The following KIRREL3 variants were observed in gnomAD, a reference collection of about 807,000 sequenced individuals.
The protein encoded by KIRREL3 is kirre like nephrin family adhesion molecule 3.
KIRREL3 carries 36 observed loss-of-function variants against 89.7 expected under a neutral mutation model. The observed-to-expected ratio is 0.40, with a 90% CI of 0.31 to 0.53. The LOEUF (loss-of-function observed/expected upper bound fraction) is 0.53, where lower values mean the gene tolerates loss of function less well. Among genes scored for constraint, KIRREL3 ranks in the 20% least tolerant of loss-of-function variants. KIRREL3 has a pLI of 0.49. For missense variants in KIRREL3, 864 were observed against 1,056.6 expected (o/e 0.82, Z 2.53); for synonymous variants, 445 against 441.4 (o/e 1.01, Z -0.10).
chr11:126,577,859 C>A (rs1489111598), intron 1 of KIRREL3, among the ~76,000 whole-genome samples: 2 of 151,996 alleles, frequency 1.3e-5, no homozygotes. Flanking sequence ...TGTGAAACTG[C>A]CCAGTTCTAG....
intron 1 of KIRREL3, among the ~76,000 whole-genome samples, chr11:126,828,820 T>C (rs1669817484): frequency 6.6e-6 from 1 of 152,198 alleles, no homozygotes; most frequent in Non-Finnish European, 1.5e-5. Flanking sequence ...GTTTTTAAGA[T>C]CAGAGCTTAG....
chr11:126,521,182 A>T lies in KIRREL3; in HGVS notation c.433+133T>A. 1.1e-6 allele frequency: 1 copy of T among 930,342 alleles called. No homozygotes were observed. The allele number at this position is 930,342 out of a possible 1,614,324, so 57.6% of individuals were successfully genotyped here. A position where few individuals can be genotyped will look rare whatever the true frequency, so the allele number is the denominator to read the frequency against. ...AGGTGGGCATGGATATTGTGGAAGC[A>T]GCAGTGTCTGGAGCCCTGTGGGATG... On this transcript the variant is annotated intron_variant, in intron 4 of 16. Coordinates refer to ENST00000525144, the MANE Select transcript of KIRREL3 (RefSeq NM_032531.4). The surrounding 1 kb of genome is among the most constrained non-coding windows in gnomAD (Gnocchi z 4.1).
At position 126,657,258 on chromosome 11, in the gene KIRREL3, A is replaced by C. The variant is rs1366783865; in HGVS notation, c.56-94346T>G. 8.9e-4 allele frequency among the ~76,000 whole-genome samples: 135 copies of C among 151,566 alleles called. 1 individual carries two copies. The highest frequency in any genetic ancestry group is 1.5e-3 in the Non-Finnish European group (103 of 67,790). ...ATTCCAAATAAATAATTAAATAAATAAATAAATAAATAAATAAATAAATCT... is the reference window on the plus strand; with the variant it reads ...ATTCCAAATAAATAATTAAATAAATCAATAAATAAATAAATAAATAAATCT... On this transcript the variant is annotated intron_variant, in intron 1 of 16. Coordinates refer to ENST00000525144, the MANE Select transcript of KIRREL3 (RefSeq NM_032531.4).
At chr11:126,731,950 G>T (rs1948632704) in intron 1 of KIRREL3, among the ~76,000 whole-genome samples, 1 of 152,262 alleles carries the variant, frequency 6.6e-6, no homozygotes, top group South Asian at 2.1e-4. Flanking sequence ...AGCAGCTGAG[G>T]ACTGTGCCCC....
intron 1 of KIRREL3, among the ~76,000 whole-genome samples, chr11:126,928,966 T>C (rs1257759678): frequency 6.6e-6 from 1 of 151,790 alleles, no homozygotes; most frequent in Non-Finnish European, 1.5e-5. Flanking sequence ...ATGAAATAAA[T>C]CAACATGGAC....
chr11:126,785,529 A>G (rs1950460893), intron 1 of KIRREL3, among the ~76,000 whole-genome samples: 1 of 152,120 alleles, frequency 6.6e-6, no homozygotes, highest in African/African-American at 2.4e-5. Context: ...CGTCTGATGC[A>G]ATGTAAGGGT....
rs1591511006 is a variant in KIRREL3, at chr11:126,424,879, T to C, written c.2038A>G (p.Ser680Gly). 1.2e-6 allele frequency: 2 copies of C among 1,612,748 alleles called. No homozygotes were observed. The highest frequency in any genetic ancestry group is 1.7e-6 in the Non-Finnish European group (2 of 1,178,958). The part of the protein sequence containing the change: ...PTGMSFTNIY[S>G]TLSGQGRLYD... ...AGGCGGCCCTGGCCGCTCAGGGTGCTGTAGATGTTGGTGAAGGACATGCCT... is the reference window on the plus strand; with the variant it reads ...AGGCGGCCCTGGCCGCTCAGGGTGCCGTAGATGTTGGTGAAGGACATGCCT... Residue 680 changes from serine (S) to glycine (G), a missense_variant, in exon 17 of 17, where the codon AGC becomes GGC. Ser to Gly is a moderately conservative substitution (Grantham distance 56). Transcript: ENST00000525144.
At chr11:126,962,688 G>A (rs1949129099) in intron 1 of KIRREL3, among the ~76,000 whole-genome samples, 1 of 152,144 alleles carries the variant, frequency 6.6e-6, no homozygotes, top group South Asian at 2.1e-4. Flanking sequence ...TCTATTGTGG[G>A]TAAAATGCTG....
Position 126,623,233 on chromosome 11 carries a change from C to A in KIRREL3, c.56-60321G>T, listed in dbSNP as rs1405310500. 2.0e-5 allele frequency among the ~76,000 whole-genome samples: 3 copies of A among 152,172 alleles called. No individual in the cohort carries two copies. The highest frequency in any genetic ancestry group is 2.0e-4 in the Admixed American group (3 of 15,284). ...TCATCTCAATGGGTGGAAAAACCTA[C>A]CCACATGCTATGAGGATGGGAAACC... On this transcript the variant is annotated intron_variant, in intron 1 of 16. Coordinates refer to ENST00000525144, the MANE Select transcript of KIRREL3 (RefSeq NM_032531.4). The surrounding 1 kb of genome is among the most constrained non-coding windows in gnomAD (Gnocchi z 4.1).
At chr11:126,552,523 AC>A (rs1478406250) in intron 2 of KIRREL3, among the ~76,000 whole-genome samples, 1 of 143,208 alleles carries the variant, frequency 7.0e-6, no homozygotes, top group African/African-American at 2.6e-5. Flanking sequence ...TCCCGGGATC[AC>A]TGCATCACAC....
In KIRREL3 at chr11:126,522,738, G is replaced by A. The variant is rs1286669872; in HGVS notation, c.284-1274C>T. Among the ~76,000 whole-genome samples, 1 of 152,004 alleles carries A rather than the reference G, an allele frequency of 6.6e-6. No homozygotes were observed. Among genetic ancestry groups the A allele is most frequent in the Non-Finnish European group, 1.5e-5 (1 of 68,004 alleles). ...TCCTCACTGAGGTCTGCCCTCCCCC[G>A]AGTCCCTCAGTGTGTGGATTTACAA... is the stretch of plus-strand genomic sequence containing the variant. On this transcript the variant is annotated intron_variant, in intron 3 of 16. Coordinates refer to ENST00000525144, the MANE Select transcript of KIRREL3 (RefSeq NM_032531.4). This position sits in a 1 kb window ranked among gnomAD's most constrained non-coding sequence, Gnocchi z 6.0.
chr11:126,595,493 C>T (rs1942352837), intron 1 of KIRREL3, among the ~76,000 whole-genome samples: 1 of 152,236 alleles, frequency 6.6e-6, no homozygotes, highest in East Asian at 1.9e-4. Flanking sequence ...TAAACTTGGC[C>T]TTGATTTGAG....
chr11:126,748,126 G>T lies in KIRREL3; in HGVS notation c.56-185214C>A, dbSNP rs1162551936. On this transcript the variant is annotated intron_variant, in intron 1 of 16. Transcript: ENST00000525144. This position sits in a 1 kb window ranked among gnomAD's most constrained non-coding sequence, Gnocchi z 4.6. The stretch of plus-strand genomic sequence containing the variant: ...TGGCCAGTCACTGAAAAGCTGAATT[G>T]TTTTTATGTTATTCCCGTTCCAGTG... Among the ~76,000 whole-genome samples the T allele has an allele frequency of 2.0e-5, 3 of 152,186 alleles. No homozygotes were observed. Among genetic ancestry groups the T allele is most frequent in the Non-Finnish European group, 4.4e-5 (3 of 68,032 alleles).
chr11:126,979,054 A>T (rs1949654793), intron 1 of KIRREL3, among the ~76,000 whole-genome samples: 1 of 152,212 alleles, frequency 6.6e-6, no homozygotes, highest in African/African-American at 2.4e-5. Context: ...TGAAAAGCGC[A>T]AACTCTCAGA....
intron 1 of KIRREL3, among the ~76,000 whole-genome samples, chr11:126,963,827 G>A (rs1281094867): frequency 1.3e-5 from 2 of 152,140 alleles, no homozygotes; most frequent in Non-Finnish European, 2.9e-5. Context: ...ACCTGAAAGT[G>A]GTTAAAAGTG....
intron 1 of KIRREL3, among the ~76,000 whole-genome samples, chr11:126,789,573 T>C (rs1950576357): frequency 6.6e-6 from 1 of 152,178 alleles, no homozygotes; most frequent in Admixed American, 6.5e-5. Flanking sequence ...ACTCTCTGGT[T>C]CCAAAAAATT....
In KIRREL3 at chr11:126,708,593, AAGG is replaced by A. The variant is rs951973931; in HGVS notation, c.56-145684_56-145682del. ...GACGTGGGCTCCGGGGTGGGGAAGG[AAGG>A]AGGGCGTTCGGCTCAACGTCCAGGA... On this transcript the variant is annotated intron_variant, in intron 1 of 16. Coordinates refer to ENST00000525144, the MANE Select transcript of KIRREL3 (RefSeq NM_032531.4). The surrounding 1 kb of genome is among the most constrained non-coding windows in gnomAD (Gnocchi z 5.7). 5.4e-4 allele frequency among the ~76,000 whole-genome samples: 82 copies of A among 152,250 alleles called. 1 individual carries two copies. The highest frequency in any genetic ancestry group is 5.3e-3 in the Admixed American group (81 of 15,292).
chr11:126,456,214 AG>A, intron 7 of KIRREL3, 134 bp downstream of exon 7: 1 of 627,024 alleles, frequency 1.6e-6, no homozygotes, highest in Admixed American at 2.5e-5. Context: ...GAGGAAGGGA[AG>A]AAGGCTACTG....
rs1035622881 is a variant in KIRREL3, at chr11:126,526,967, C to G, written c.134-280G>C. Among the ~76,000 whole-genome samples, 5 of 152,214 alleles carry G rather than the reference C, an allele frequency of 3.3e-5. No homozygotes were observed. The highest frequency in any genetic ancestry group is 5.9e-5 in the Non-Finnish European group (4 of 68,036). Reference sequence around the variant, plus strand: ...CCCCAGCTCCCTATGGGCCATCTCCCTCCACCTTTGGGACGTGCCACTTCC... The same window carrying G: ...CCCCAGCTCCCTATGGGCCATCTCCGTCCACCTTTGGGACGTGCCACTTCC... On this transcript the variant is annotated intron_variant, in intron 2 of 16. Transcript: ENST00000525144. This position sits in a 1 kb window ranked among gnomAD's most constrained non-coding sequence, Gnocchi z 5.7.
Sources: gnomAD v4.1 joint callset for allele counts (sites outside exome capture counted in the v4.1 genomes callset) on GRCh38, gnomAD v4.1.1 for gene constraint, Gnocchi (gnomAD v3.1) non-coding constraint, MANE v1.5 for transcripts, NCBI Gene and HGNC (gene_info 2026-07-23, HGNC 2026-07-21) for gene names.